The following POU3F3 variants were observed in gnomAD, a reference collection of about 807,000 sequenced individuals.
POU3F3 encodes POU class 3 homeobox 3.
POU3F3 carries 1 observed loss-of-function variant against 8.6 expected under a neutral mutation model. That is an observed-to-expected ratio of 0.12 (90% CI 0.04 to 0.55). The LOEUF (loss-of-function observed/expected upper bound fraction) is 0.55. Among genes scored for constraint, POU3F3 ranks in the 20% least tolerant of loss-of-function variants. POU3F3 has a pLI of 0.91. For synonymous variants in POU3F3, 418 were observed against 327.4 expected (o/e 1.28, Z -2.99); for missense variants, 577 against 690.7 (o/e 0.84, Z 1.84).
chr2:104,875,837 C>T, the POU3F3 span, among the ~76,000 whole-genome samples: 1 of 152,198 alleles, frequency 6.6e-6, no homozygotes, highest in East Asian at 1.9e-4. Flanking sequence ...CTGCCTCAGC[C>T]TTCCAAGTAG....
the POU3F3 span, among the ~76,000 whole-genome samples, chr2:104,875,067 C>T: frequency 1.3e-5 from 2 of 152,198 alleles, no homozygotes; most frequent in Non-Finnish European, 2.9e-5. Context: ...ACTCTAGGGA[C>T]CCCATATTAG....
chr2:104,917,785 C>A, the POU3F3 span, among the ~76,000 whole-genome samples: 13 of 152,186 alleles, frequency 8.5e-5, no homozygotes, highest in Non-Finnish European at 1.2e-4. Context: ...CAGGATTCTT[C>A]TCTCTTATCC....
At chr2:104,924,874 T>C in the POU3F3 span, among the ~76,000 whole-genome samples, 1 of 152,244 alleles carries the variant, frequency 6.6e-6, no homozygotes. Context: ...TTAGTTTCAC[T>C]TCTTCCTTTG....
Position 104,854,830 on chromosome 2 carries a change from A to C in POU3F3, c.-681A>C, listed in dbSNP as rs1006740921. Among the ~76,000 whole-genome samples the C allele has an allele frequency of 6.6e-6, 1 of 152,188 alleles. No homozygotes were observed. The highest frequency in any genetic ancestry group is 2.4e-5 in the African/African-American group (1 of 41,450). On this transcript the variant is annotated 5_prime_UTR_variant, in exon 1 of 1. Coordinates refer to ENST00000361360, the MANE Select transcript of POU3F3 (RefSeq NM_006236.3). The surrounding 1 kb of genome is among the most constrained non-coding windows in gnomAD (Gnocchi z 4.5). ...TACTACTCTAAGGGAAAACGAGTGA[A>C]ATGTGTTCCTGAGGAGGAGAGGAGA...
the POU3F3 span, among the ~76,000 whole-genome samples, chr2:104,890,800 A>T: frequency 3.9e-5 from 6 of 152,216 alleles, no homozygotes; most frequent in South Asian, 4.1e-4. Flanking sequence ...ACCGCGGGCC[A>T]CATGGGTGCA....
downstream of POU3F3, among the ~76,000 whole-genome samples, chr2:104,863,503 T>C (rs2104346041): frequency 6.6e-6 from 1 of 152,232 alleles, no homozygotes; most frequent in East Asian, 1.9e-4. Context: ...CCCAGGAGAA[T>C]TGAGTTGCCG....
chr2:104,922,096 T>C, the POU3F3 span, among the ~76,000 whole-genome samples: 1 of 151,994 alleles, frequency 6.6e-6, no homozygotes, highest in Non-Finnish European at 1.5e-5. Flanking sequence ...AGACTTTAAG[T>C]TTATACCTCA....
Position 104,856,362 on chromosome 2 carries a change from C to T in POU3F3, c.852C>T (p.His284=), listed in dbSNP as rs765841252. The T allele has an allele frequency of 2.6e-6, 4 of 1,531,842 alleles. No homozygotes were observed. Among genetic ancestry groups the T allele is most frequent in the South Asian group, 1.2e-5 (1 of 82,126 alleles). 94.9% of individuals were successfully genotyped at this position (1,531,842 alleles called of 1,614,324 possible). ...HHHHAHPHPP[H]PHHAQGPPHH... ...ACCACGCGCATCCTCACCCGCCGCA[C>T]CCGCACCACGCGCAGGGACCCCCGC... Residue 284 remains histidine, a synonymous_variant, in exon 1 of 1, where the codon CAC becomes CAT. Transcript: ENST00000361360.
chr2:104,896,885 T>G, the POU3F3 span, among the ~76,000 whole-genome samples: 2 of 152,228 alleles, frequency 1.3e-5, no homozygotes, highest in Non-Finnish European at 2.9e-5. Context: ...GGACACCAGG[T>G]CAGGCCCCTT....
chr2:104,899,355 G>T, the POU3F3 span, among the ~76,000 whole-genome samples: 20 of 152,290 alleles, frequency 1.3e-4, no homozygotes, highest in African/African-American at 4.6e-4. Context: ...GTAAAGCAGA[G>T]AAACTAAAAA....
the POU3F3 span, among the ~76,000 whole-genome samples, chr2:104,877,422 G>A: frequency 0.012 from 1,801 of 152,274 alleles, 41 homozygotes; most frequent in African/African-American, 0.041. Context: ...CCACAGGCAG[G>A]ACTCTGCAGT....
At chr2:104,920,353 A>G in the POU3F3 span, among the ~76,000 whole-genome samples, 1 of 152,152 alleles carries the variant, frequency 6.6e-6, no homozygotes, top group Non-Finnish European at 1.5e-5. Flanking sequence ...GTCAACCTAG[A>G]TTTTATGTTA....
At chr2:104,862,437 A>T (rs1676675660), downstream of POU3F3, among the ~76,000 whole-genome samples, 1 of 152,148 alleles carries the variant, frequency 6.6e-6, no homozygotes, top group Non-Finnish European at 1.5e-5. Context: ...GGTACAGGCG[A>T]CGGGGTCAGG....
chr2:104,879,150 A>G, the POU3F3 span, among the ~76,000 whole-genome samples: 1 of 152,138 alleles, frequency 6.6e-6, no homozygotes, highest in African/African-American at 2.4e-5. Context: ...TTCAGTACAC[A>G]CACAATACAC....
the POU3F3 span, among the ~76,000 whole-genome samples, chr2:104,926,746 C>T: frequency 6.1e-3 from 922 of 152,268 alleles, 4 homozygotes; most frequent in South Asian, 0.019. Context: ...CACATATATA[C>T]CATCGAATAC....
the POU3F3 span, among the ~76,000 whole-genome samples, chr2:104,908,920 C>CA: frequency 5.9e-5 from 9 of 152,072 alleles, no homozygotes; most frequent in African/African-American, 2.2e-4. Context: ...TATTTTAAAA[C>CA]AATTCTTTTT....
the POU3F3 span, among the ~76,000 whole-genome samples, chr2:104,914,957 C>T: frequency 6.6e-6 from 1 of 152,206 alleles, no homozygotes. Context: ...GCTGACCTCT[C>T]TGTGGAGCCC....
At chr2:104,893,477 G>T in the POU3F3 span, among the ~76,000 whole-genome samples, 1 of 152,222 alleles carries the variant, frequency 6.6e-6, no homozygotes. Flanking sequence ...AGAGGGCAAT[G>T]GTTGACCTAC....
At chr2:104,867,151 T>G in the POU3F3 span, 1 of 152,228 alleles carries the variant, frequency 6.6e-6, no homozygotes. This position sits in a 1 kb window ranked among gnomAD's most constrained non-coding sequence, Gnocchi z 5.0. Context: ...AAGCCCGTTC[T>G]TCCAGGACAG....
Sources: gnomAD v4.1 joint callset for allele counts (sites outside exome capture counted in the v4.1 genomes callset) on GRCh38, gnomAD v4.1.1 for gene constraint, Gnocchi (gnomAD v3.1) non-coding constraint, MANE v1.5 for transcripts, NCBI Gene and HGNC (gene_info 2026-07-23, HGNC 2026-07-21) for gene names.